ROBO1: variants seen among roughly 807,000 people sequenced by gnomAD.
ROBO1 encodes roundabout homolog 1.
Under a neutral mutation model 195.9 loss-of-function variants are expected in ROBO1, and 149 were observed. The observed-to-expected ratio is 0.76, with a 90% CI of 0.67 to 0.87. The LOEUF is 0.87. Among genes scored for constraint, ROBO1 ranks in the 40% least tolerant of loss-of-function variants. ROBO1 has a pLI of 0.00. For missense variants in ROBO1, 1,933 were observed against 2,068.3 expected (o/e 0.93, Z 1.27); for synonymous variants, 816 against 733.2 (o/e 1.11, Z -1.82).
intron 3 of ROBO1, among the ~76,000 whole-genome samples, chr3:78,970,939 A>C (rs1285215179): frequency 6.6e-6 from 1 of 152,206 alleles, no homozygotes; most frequent in Non-Finnish European, 1.5e-5. Context: ...CAAAAAAAAA[A>C]AAAGTCACTG....
At chr3:79,542,961 TTATAAAA>T (rs1942131187) in intron 2 of ROBO1, among the ~76,000 whole-genome samples, 1 of 152,090 alleles carries the variant, frequency 6.6e-6, no homozygotes, top group Non-Finnish European at 1.5e-5. Context: ...TCACATTTTA[TTATAAAA>T]TATAACACTT....
chr3:78,735,638 A>G (rs2082376181), intron 5 of ROBO1, among the ~76,000 whole-genome samples: 2 of 152,172 alleles, frequency 1.3e-5, no homozygotes, highest in African/African-American at 4.8e-5. Context: ...AAGCAGGGAA[A>G]TTTATTAAAC....
chr3:79,395,083 G>C (rs1433765642), intron 2 of ROBO1, among the ~76,000 whole-genome samples: 1 of 151,936 alleles, frequency 6.6e-6, no homozygotes, highest in African/African-American at 2.4e-5. Context: ...CAGCACTTTG[G>C]GAGGCCGAGG....
chr3:78,865,673 G>A (rs769730266), intron 4 of ROBO1, among the ~76,000 whole-genome samples: 21 of 151,876 alleles, frequency 1.4e-4, no homozygotes, highest in African/African-American at 4.6e-4. Context: ...GGGTTTCACC[G>A]TGTTAGCCAG....
At chr3:79,079,047 TTATCA>T (rs2079224115) in intron 3 of ROBO1, among the ~76,000 whole-genome samples, 1 of 151,736 alleles carries the variant, frequency 6.6e-6, no homozygotes, top group African/African-American at 2.4e-5. Flanking sequence ...TGCACTCACA[TTATCA>T]TATAAGTTGG....
intron 14 of ROBO1, among the ~76,000 whole-genome samples, chr3:78,663,154 T>C (rs548036026): frequency 1.2e-4 from 18 of 151,826 alleles, no homozygotes; most frequent in Non-Finnish European, 2.4e-4. Context: ...CAATTGATCT[T>C]GGGTAGAAAG....
intron 3 of ROBO1, among the ~76,000 whole-genome samples, chr3:79,074,652 C>T (rs2079142230): frequency 6.6e-6 from 1 of 151,594 alleles, no homozygotes; most frequent in Non-Finnish European, 1.5e-5. Context: ...TGGTCTCCAA[C>T]CCCTAGGCTC....
At position 78,918,374 on chromosome 3, in the gene ROBO1, G is replaced by T. The variant is rs78675031; in HGVS notation, c.499+20227C>A. Among the ~76,000 whole-genome samples, 215 of 152,236 alleles carry T rather than the reference G, an allele frequency of 1.4e-3. 4 individuals are homozygous for T. In the East Asian group the frequency reaches 0.033, roughly 23 times the overall value. ...AGAGTGCTCACAGGATGAAAAAAAT[G>T]TATGAAAACCAACCATGACAGAGAG... On this transcript the variant is annotated intron_variant, in intron 4 of 30. Coordinates refer to ENST00000464233, the MANE Select transcript of ROBO1 (RefSeq NM_002941.4).
chr3:79,303,259 T>C (rs2033060052), intron 2 of ROBO1, among the ~76,000 whole-genome samples: 1 of 147,586 alleles, frequency 6.8e-6, no homozygotes, highest in South Asian at 2.2e-4. Flanking sequence ...CTCCACCTCC[T>C]GGGTTCAAGT....
chr3:79,502,375 C>T (rs1940129361), intron 2 of ROBO1, among the ~76,000 whole-genome samples: 1 of 152,166 alleles, frequency 6.6e-6, no homozygotes, highest in South Asian at 2.1e-4. Context: ...GCCGCCCGGG[C>T]AGTGAGGGGC....
At chr3:79,687,010 A>C (rs962154388) in intron 1 of ROBO1, among the ~76,000 whole-genome samples, 13 of 152,334 alleles carry the variant, frequency 8.5e-5, no homozygotes, top group Admixed American at 7.2e-4. Flanking sequence ...TACTGGTACC[A>C]AAACAGAGAT....
intron 27 of ROBO1, among the ~76,000 whole-genome samples, chr3:78,616,691 A>G (rs1704133855): frequency 6.6e-6 from 1 of 152,124 alleles, no homozygotes. Flanking sequence ...TCTGAAATGT[A>G]TCTCTTTCTT....
chr3:79,243,746 G>A (rs939738793), intron 2 of ROBO1, among the ~76,000 whole-genome samples: 149 of 152,238 alleles, frequency 9.8e-4, no homozygotes, highest in African/African-American at 3.5e-3. Context: ...TGTCAGATGA[G>A]TAGATTGCAA....
At chr3:79,655,783 T>C (rs1946139893) in intron 1 of ROBO1, among the ~76,000 whole-genome samples, 1 of 152,090 alleles carries the variant, frequency 6.6e-6, no homozygotes, top group African/African-American at 2.4e-5. Context: ...ACCGTGGCAC[T>C]ATGTTTGACC....
chr3:79,500,938 C>T (rs1016081653), intron 2 of ROBO1, among the ~76,000 whole-genome samples: 1 of 152,042 alleles, frequency 6.6e-6, no homozygotes, highest in African/African-American at 2.4e-5. Context: ...CTCTTTCTCT[C>T]TCTCTCTCTC....
intron 26 of ROBO1, among the ~76,000 whole-genome samples, chr3:78,621,500 A>G (rs2107436190): frequency 6.6e-6 from 1 of 152,310 alleles, no homozygotes; most frequent in South Asian, 2.1e-4. Context: ...TTTAACTACA[A>G]CCACCCTTTA....
chr3:79,135,856 C>T (rs973960910), intron 2 of ROBO1, among the ~76,000 whole-genome samples: 2 of 152,190 alleles, frequency 1.3e-5, no homozygotes, highest in Admixed American at 6.5e-5. Flanking sequence ...AGGCTGTTAT[C>T]GAACTCCAGG....
intron 2 of ROBO1, among the ~76,000 whole-genome samples, chr3:79,321,052 C>T (rs766607957): frequency 1.3e-5 from 2 of 152,142 alleles, no homozygotes; most frequent in Admixed American, 6.6e-5. Context: ...TAAATTCTAG[C>T]ATCTTAAGGA....
intron 4 of ROBO1, among the ~76,000 whole-genome samples, chr3:78,821,464 G>A (rs568812088): frequency 3.9e-5 from 6 of 152,052 alleles, no homozygotes; most frequent in Non-Finnish European, 7.4e-5. Flanking sequence ...GTGCCCAGCC[G>A]ATACTGATGT....
Sources: gnomAD v4.1 joint callset for allele counts (sites outside exome capture counted in the v4.1 genomes callset) on GRCh38, gnomAD v4.1.1 for gene constraint, MANE v1.5 for transcripts, NCBI Gene and HGNC (gene_info 2026-07-23, HGNC 2026-07-21) for gene names.